BICC1: variants seen among roughly 807,000 people sequenced by gnomAD.
BICC1 encodes the protein BicC family RNA binding protein 1.
Under a neutral mutation model 111.0 loss-of-function variants are expected in BICC1, and 43 were observed. The observed-to-expected ratio is 0.39, with a 90% CI of 0.30 to 0.50. BICC1 has a LOEUF of 0.50. Among genes scored for constraint, BICC1 ranks in the 20% least tolerant of loss-of-function variants. The probability of loss-of-function intolerance (pLI) is 0.88; values close to 1 mark genes in which losing one functional copy is unlikely to be tolerated. For synonymous variants in BICC1, 467 were observed against 434.4 expected, an observed-to-expected ratio of 1.07 and a Z score of -0.93; for missense variants, 1,091 against 1,203.2, an observed-to-expected ratio of 0.91 and a Z score of 1.38.
chr10:58,676,345 G>A (rs991927087), intron 2 of BICC1, among the ~76,000 whole-genome samples: 10 of 152,162 alleles, frequency 6.6e-5, no homozygotes, highest in Non-Finnish European at 1.0e-4. Flanking sequence ...ATCCCACCCC[G>A]ATGGAGCCCA....
intron 1 of BICC1, among the ~76,000 whole-genome samples, chr10:58,614,656 T>A (rs1192095685): frequency 1.3e-5 from 2 of 152,166 alleles, no homozygotes; most frequent in Non-Finnish European, 2.9e-5. Context: ...TTTTTATTCA[T>A]CTGGAGGTTG....
chr10:58,534,888 T>C (rs963516462), intron 1 of BICC1, among the ~76,000 whole-genome samples: 7 of 151,352 alleles, frequency 4.6e-5, no homozygotes, highest in Non-Finnish European at 1.0e-4. Flanking sequence ...AGATAGATTT[T>C]TAAAAGAAAA....
chr10:58,724,971 G>C (rs1302213446), intron 3 of BICC1, among the ~76,000 whole-genome samples: 22 of 152,190 alleles, frequency 1.4e-4, no homozygotes. Flanking sequence ...TGTCTCATTT[G>C]AGGTTAGACA....
At position 58,539,908 on chromosome 10, in the gene BICC1, T is replaced by C. The variant is rs76435275; in HGVS notation, c.190+26575T>C. Among the ~76,000 whole-genome samples the C allele has an allele frequency of 1.2e-3, 182 of 151,990 alleles. 4 individuals carry two copies. The East Asian group carries it at 0.032, about 26-fold the overall frequency. ...CCACAAAACTAGTATTAAGAGAAGA[T>C]TGAAGTCATATCAAGTATCTTTTTA... On this transcript the variant is annotated intron_variant, in intron 1 of 20. Transcript: ENST00000373886.
chr10:58,715,742 A>G lies in BICC1; in HGVS notation c.307+13599A>G, dbSNP rs1467282345. On this transcript the variant is annotated intron_variant, in intron 3 of 20. Coordinates refer to ENST00000373886, the MANE Select transcript of BICC1 (RefSeq NM_001080512.3). ...CCAAGGCTTTGGCTGAATTTGAAGA[A>G]AAAATGAATGAGAACTGGAAGAAAG... The G allele has an allele frequency of 1.9e-6, 3 of 1,541,638 alleles. No individual in the cohort carries two copies. In the African/African-American group the frequency reaches 4.1e-5, roughly 21 times the overall value.
chr10:58,800,446 T>A, intron 13 of BICC1, 120 bp downstream of exon 13: 1 of 914,834 alleles, frequency 1.1e-6, no homozygotes, highest in Non-Finnish European at 1.6e-6. Flanking sequence ...TCATCCTACC[T>A]CAATTATGTG....
At chr10:58,812,733 C>T (rs1843951600) in intron 17 of BICC1, among the ~76,000 whole-genome samples, 1 of 152,142 alleles carries the variant, frequency 6.6e-6, no homozygotes, top group South Asian at 2.1e-4. Flanking sequence ...CCACCTTGGC[C>T]TCCCAAAGTG....
At chr10:58,584,479 A>G (rs1373149265) in intron 1 of BICC1, among the ~76,000 whole-genome samples, 4 of 152,130 alleles carry the variant, frequency 2.6e-5, no homozygotes, top group Admixed American at 2.6e-4. Flanking sequence ...CTGTGAATGT[A>G]TATTGTGATG....
chr10:58,562,169 G>A (rs1843623370), intron 1 of BICC1, among the ~76,000 whole-genome samples: 1 of 152,004 alleles, frequency 6.6e-6, no homozygotes, highest in Non-Finnish European at 1.5e-5. Context: ...GATATTTTCA[G>A]CTAGTATTTC....
chr10:58,779,438 C>T (rs1281466080), intron 3 of BICC1, among the ~76,000 whole-genome samples: 1 of 152,224 alleles, frequency 6.6e-6, no homozygotes, highest in Admixed American at 6.5e-5. Context: ...GTAGATATGT[C>T]ACCAGATTTA....
chr10:58,654,570 T>C (rs1838567155), intron 2 of BICC1, among the ~76,000 whole-genome samples: 1 of 81,456 alleles, frequency 1.2e-5, no homozygotes, highest in African/African-American at 4.3e-5. Context: ...TCATTGTAGA[T>C]TCTGGATATT....
At chr10:58,532,245 A>G (rs1205016280) in intron 1 of BICC1, among the ~76,000 whole-genome samples, 1 of 151,764 alleles carries the variant, frequency 6.6e-6, no homozygotes, top group Non-Finnish European at 1.5e-5. Context: ...CGCAGGACAG[A>G]GTGGAATGAG....
intron 2 of BICC1, among the ~76,000 whole-genome samples, chr10:58,628,234 ATAAC>A (rs1352842657): frequency 2.6e-5 from 4 of 152,226 alleles, no homozygotes; most frequent in Non-Finnish European, 4.4e-5. Flanking sequence ...ACAGATAACA[ATAAC>A]TAAGATAGAT....
chr10:58,737,561 G>A (rs1034639284), intron 3 of BICC1, among the ~76,000 whole-genome samples: 33 of 152,246 alleles, frequency 2.2e-4, no homozygotes, highest in Non-Finnish European at 3.5e-4. Context: ...ATAAACATAG[G>A]TGTGCATGTG....
At chr10:58,631,195 T>G (rs903234062) in intron 2 of BICC1, among the ~76,000 whole-genome samples, 1 of 152,210 alleles carries the variant, frequency 6.6e-6, no homozygotes, top group African/African-American at 2.4e-5. Flanking sequence ...ACAGCCAACA[T>G]GCAGAAAGGT....
chr10:58,785,130 GGC>G, intron 4 of BICC1, 50 bp downstream of exon 4: 1 of 1,106,080 alleles, frequency 9.0e-7, no homozygotes, highest in South Asian at 1.6e-5. Context: ...TCTCTACAAG[GGC>G]TACTTCATGC....
At chr10:58,580,027 A>T (rs1448033664) in intron 1 of BICC1, among the ~76,000 whole-genome samples, 7 of 144,544 alleles carry the variant, frequency 4.8e-5, no homozygotes, top group African/African-American at 1.5e-4. Flanking sequence ...CCTCTTAGCA[A>T]TTTTTTTTTT....
At chr10:58,731,377 C>T (rs918472441) in intron 3 of BICC1, among the ~76,000 whole-genome samples, 1 of 152,206 alleles carries the variant, frequency 6.6e-6, no homozygotes, top group Non-Finnish European at 1.5e-5. Flanking sequence ...TCTTCCCCCT[C>T]ATCTTCCTGT....
rs924508556 is a variant in BICC1, at chr10:58,602,059, G to A, written c.191-18796G>A. On this transcript the variant is annotated intron_variant, in intron 1 of 20. Transcript: ENST00000373886. ...TTTTAGAAGGACTTGAATATTTTGA[G>A]GCTGGTGAATAAATGAGGCCTGAAA... 2.6e-5 allele frequency among the ~76,000 whole-genome samples: 4 copies of A among 152,012 alleles called. No individual in the cohort carries two copies. The South Asian group carries it at 8.3e-4, about 32-fold the overall frequency.
Sources: allele counts gnomAD v4.1 joint callset (sites outside exome capture counted in the v4.1 genomes callset), GRCh38; gene constraint gnomAD v4.1.1; transcripts MANE v1.5; gene names NCBI Gene and HGNC (gene_info 2026-07-23, HGNC 2026-07-21).